Variants in CNTN5 observed in about 807,000 individuals in gnomAD.
The protein encoded by CNTN5 is contactin 5.
In CNTN5, 77 loss-of-function variants were observed where a neutral mutation model predicts 129.1. The observed-to-expected ratio is 0.60, with a 90% CI of 0.50 to 0.72. The LOEUF is 0.72. Among genes scored for constraint, CNTN5 ranks in the 30% least tolerant of loss-of-function variants. CNTN5 has a pLI of 0.00. For missense variants in CNTN5, 1,478 were observed against 1,328.8 expected (o/e 1.11, Z -1.75); for synonymous variants, 509 against 465.6 (o/e 1.09, Z -1.20).
At chr11:99,555,171 T>C (rs939581089) in intron 2 of CNTN5, among the ~76,000 whole-genome samples, 1 of 152,060 alleles carries the variant, frequency 6.6e-6, no homozygotes, top group Admixed American at 6.6e-5. Flanking sequence ...TACGTGTCTA[T>C]ATTTTTCAGA....
chr11:99,764,450 C>T (rs1378339836), intron 3 of CNTN5, among the ~76,000 whole-genome samples: 3 of 152,026 alleles, frequency 2.0e-5, no homozygotes, highest in Admixed American at 6.6e-5. Flanking sequence ...AGTTTCACTC[C>T]TGTTGTCCAG....
intron 1 of CNTN5, among the ~76,000 whole-genome samples, chr11:99,146,720 A>C (rs1163484606): frequency 2.0e-5 from 3 of 152,100 alleles, no homozygotes; most frequent in Non-Finnish European, 4.4e-5. Flanking sequence ...AAGAGAAAGA[A>C]TACACTTTTT....
chr11:99,763,261 A>G (rs1944648283), intron 3 of CNTN5, among the ~76,000 whole-genome samples: 1 of 152,126 alleles, frequency 6.6e-6, no homozygotes, highest in Admixed American at 6.6e-5. Flanking sequence ...CCTTTATCAA[A>G]GAAAACACAC....
intron 7 of CNTN5, among the ~76,000 whole-genome samples, chr11:99,950,328 A>G (rs1296270299): frequency 1.3e-5 from 2 of 152,090 alleles, no homozygotes; most frequent in Admixed American, 6.6e-5. Flanking sequence ...AATACAAAAA[A>G]AAATTAGCCA....
At chr11:100,196,696 A>T (rs1178965676) in intron 15 of CNTN5, among the ~76,000 whole-genome samples, 1 of 152,036 alleles carries the variant, frequency 6.6e-6, no homozygotes, top group Admixed American at 6.6e-5. Flanking sequence ...GCCATGTTTT[A>T]CAAACTCAGC....
At chr11:99,557,128 C>T (rs923213840) in intron 3 of CNTN5, among the ~76,000 whole-genome samples, 3 of 151,106 alleles carry the variant, frequency 2.0e-5, no homozygotes, top group African/African-American at 7.2e-5. Flanking sequence ...TAAAAGATTG[C>T]TTTCATTTTA....
intron 1 of CNTN5, among the ~76,000 whole-genome samples, chr11:99,035,489 T>C (rs1028021614): frequency 3.3e-5 from 5 of 151,402 alleles, no homozygotes; most frequent in Non-Finnish European, 5.9e-5. Flanking sequence ...GATGGTTAGC[T>C]CTTCTTGTTG....
At chr11:99,356,188 A>AC (rs11304657) in intron 2 of CNTN5, among the ~76,000 whole-genome samples, 10,208 of 146,758 alleles carry the variant, frequency 0.07, 747 homozygotes, top group East Asian at 0.33. Context: ...TGCCTTAACC[A>AC]CCCCCCCCCA....
intron 3 of CNTN5, among the ~76,000 whole-genome samples, chr11:99,769,192 GTCT>G (rs1944860697): frequency 6.6e-6 from 1 of 152,028 alleles, no homozygotes; most frequent in African/African-American, 2.4e-5. Context: ...TTGACCTGTT[GTCT>G]TCTTTATTCC....
chr11:99,806,147 T>C (rs1329819068), intron 3 of CNTN5, among the ~76,000 whole-genome samples: 1 of 152,180 alleles, frequency 6.6e-6, no homozygotes, highest in East Asian at 1.9e-4. Flanking sequence ...ATTCATTCCT[T>C]ATTAATTTGG....
At chr11:99,816,268 A>C (rs1591241730) in intron 3 of CNTN5, among the ~76,000 whole-genome samples, 1 of 152,144 alleles carries the variant, frequency 6.6e-6, no homozygotes, top group East Asian at 1.9e-4. Flanking sequence ...TCCATTTTCA[A>C]CACCCTATTT....
intron 15 of CNTN5, among the ~76,000 whole-genome samples, chr11:100,217,459 C>A (rs73000880): frequency 3.3e-5 from 5 of 152,132 alleles, no homozygotes; most frequent in Non-Finnish European, 7.4e-5. Flanking sequence ...CTATAAGCAT[C>A]CATAAAATGT....
At chr11:99,226,907 A>C (rs17133320) in intron 1 of CNTN5, among the ~76,000 whole-genome samples, 2,636 of 152,328 alleles carry the variant, frequency 0.017, 43 homozygotes, top group African/African-American at 0.037. Context: ...CTTGATCATT[A>C]GTTACCTCGT....
At chr11:99,831,956 G>T (rs988049482) in intron 4 of CNTN5, among the ~76,000 whole-genome samples, 1 of 152,046 alleles carries the variant, frequency 6.6e-6, no homozygotes, top group African/African-American at 2.4e-5. Context: ...GCTCTCATTT[G>T]GTTGTTGTCA....
At chr11:99,209,168 GA>G (rs139258576) in intron 1 of CNTN5, among the ~76,000 whole-genome samples, 15 of 151,942 alleles carry the variant, frequency 9.9e-5, no homozygotes, top group Admixed American at 8.5e-4. Flanking sequence ...TAATAAGAGA[GA>G]AAAAAATCTG....
At chr11:99,646,885 T>C (rs751922740) in intron 3 of CNTN5, among the ~76,000 whole-genome samples, 1 of 152,028 alleles carries the variant, frequency 6.6e-6, no homozygotes, top group East Asian at 1.9e-4. Flanking sequence ...AGTAGATGAT[T>C]GGCTTTTTTG....
intron 3 of CNTN5, among the ~76,000 whole-genome samples, chr11:99,810,517 A>T (rs1281407948): frequency 6.6e-6 from 1 of 152,132 alleles, no homozygotes. Flanking sequence ...TGTAAACTTT[A>T]CACATAATAC....
intron 2 of CNTN5, among the ~76,000 whole-genome samples, chr11:99,540,809 C>T (rs1948077502): frequency 6.6e-6 from 1 of 152,050 alleles, no homozygotes; most frequent in South Asian, 2.1e-4. Flanking sequence ...TACAGGTGCT[C>T]ACTGAGGAAT....
chr11:99,710,605 GTA>G (rs1954945984), intron 3 of CNTN5, among the ~76,000 whole-genome samples: 8 of 148,584 alleles, frequency 5.4e-5, no homozygotes, highest in African/African-American at 1.2e-4. Flanking sequence ...GTGTGTGTAT[GTA>G]TGTATGTATG....
Sources: gnomAD v4.1 joint callset for allele counts (sites outside exome capture counted in the v4.1 genomes callset) on GRCh38, gnomAD v4.1.1 for gene constraint, MANE v1.5 for transcripts, NCBI Gene and HGNC (gene_info 2026-07-23, HGNC 2026-07-21) for gene names.